Variants in ROR2 observed in about 807,000 individuals in gnomAD.
ROR2 encodes the protein ROR family WNT receptor 2.
A neutral mutation model predicts 74.9 loss-of-function variants in ROR2; 33 were observed. That is an observed-to-expected ratio of 0.44 (90% CI 0.33 to 0.59). The LOEUF is 0.59. ROR2 is among the 20% of genes least tolerant of loss of function. The probability of loss-of-function intolerance (pLI) is 0.02; values close to 1 mark genes in which losing one functional copy is unlikely to be tolerated. For missense variants in ROR2, 1,216 were observed against 1,313.8 expected (o/e 0.93, Z 1.15); for synonymous variants, 586 against 558.7 (o/e 1.05, Z -0.69).
Position 91,807,654 on chromosome 9 carries a change from T to A in ROR2, c.98-31836A>T, listed in dbSNP as rs546938196. On this transcript the variant is annotated intron_variant, in intron 1 of 8. Coordinates refer to ENST00000375708, the MANE Select transcript of ROR2 (RefSeq NM_004560.4). The stretch of plus-strand genomic sequence containing the variant: ...GGGGGGATCAGACGCTACCTCCAGG[T>A]AGACAGTGTCTAAAGTGGACTGGAG... Among the ~76,000 whole-genome samples, 14 of 152,238 alleles carry A rather than the reference T, an allele frequency of 9.2e-5. No individual in the cohort carries two copies. In the South Asian group the frequency reaches 1.5e-3, roughly 16 times the overall value.
chr9:91,782,584 CAAAAAAA>C (rs55664591), intron 1 of ROR2, among the ~76,000 whole-genome samples: 2 of 79,812 alleles, frequency 2.5e-5, no homozygotes, highest in African/African-American at 5.0e-5. Flanking sequence ...TAGCTGATAG[CAAAAAAA>C]AAAAAAAAAA....
chr9:91,862,354 GAGCAGGAGC>G lies in ROR2; in HGVS notation c.98-86545_98-86537del, dbSNP rs1266939350. Reference sequence around the variant, plus strand: ...CCAAAAAAAAAAGGAGGAGGAGGAGGAGCAGGAGCAGCAGGAGCAGCAGCCAGGAGTGGT... The same window carrying G: ...CCAAAAAAAAAAGGAGGAGGAGGAGGAGCAGGAGCAGCAGCCAGGAGTGGT... On this transcript the variant is annotated intron_variant, in intron 1 of 8. Coordinates refer to ENST00000375708, the MANE Select transcript of ROR2 (RefSeq NM_004560.4). Among the ~76,000 whole-genome samples the G allele has an allele frequency of 5.3e-3, 810 of 151,688 alleles. 9 individuals carry two copies. Among genetic ancestry groups the G allele is most frequent in the African/African-American group, 0.018 (764 of 41,352 alleles).
chr9:91,756,578 G>A (rs1450146678), intron 3 of ROR2, among the ~76,000 whole-genome samples: 1 of 151,840 alleles, frequency 6.6e-6, no homozygotes, highest in East Asian at 1.9e-4. Flanking sequence ...TCAGCCTCGG[G>A]CCCTACCTAG....
At chr9:91,799,659 T>G (rs145010024) in intron 1 of ROR2, among the ~76,000 whole-genome samples, 1 of 152,146 alleles carries the variant, frequency 6.6e-6, no homozygotes, top group African/African-American at 2.4e-5. Context: ...AAATACCAAG[T>G]AGGGACAAGG....
intron 1 of ROR2, among the ~76,000 whole-genome samples, chr9:91,845,957 C>A (rs2119232442): frequency 6.7e-6 from 1 of 150,292 alleles, no homozygotes; most frequent in African/African-American, 2.5e-5. Context: ...CGGATGCAAC[C>A]ACCACCACAG....
chr9:91,814,642 G>A (rs896878091), intron 1 of ROR2, among the ~76,000 whole-genome samples: 1 of 152,198 alleles, frequency 6.6e-6, no homozygotes, highest in South Asian at 2.1e-4. Context: ...GATCCCCCAC[G>A]TTTACAGGCT....
At position 91,757,479 on chromosome 9, in the gene ROR2, C is replaced by A. The variant is rs747477231; in HGVS notation, c.256G>T (p.Ala86Ser). 5.0e-6 allele frequency: 8 copies of A among 1,613,702 alleles called. No individual in the cohort carries two copies. The South Asian group carries it at 7.7e-5, about 16-fold the overall frequency. ...GQTAILHCKV[A>S]GNPPPNVRWL... Reference sequence around the variant, plus strand: ...CGCACGTTAGGGGGTGGGTTTCCTGCCACCTTGCAGTGCAGAATTGCCGTC... The same window carrying A: ...CGCACGTTAGGGGGTGGGTTTCCTGACACCTTGCAGTGCAGAATTGCCGTC... Residue 86 changes from alanine to serine, a missense_variant, in exon 3 of 9, where the codon GCA becomes TCA. By Grantham distance (99) the Ala-to-Ser change is moderately conservative. Coordinates refer to ENST00000375708, the MANE Select transcript of ROR2 (RefSeq NM_004560.4).
intron 4 of ROR2, among the ~76,000 whole-genome samples, chr9:91,750,915 G>A (rs748679424): frequency 2.6e-5 from 4 of 152,186 alleles, no homozygotes; most frequent in Non-Finnish European, 5.9e-5. Flanking sequence ...GAAATGTAAT[G>A]TAAAATTACT....
intron 2 of ROR2, among the ~76,000 whole-genome samples, chr9:91,772,642 G>A (rs1587705072): frequency 6.6e-6 from 1 of 152,286 alleles, no homozygotes; most frequent in East Asian, 1.9e-4. Context: ...CACTTGACGG[G>A]CCACCTTTAG....
At chr9:91,903,466 C>A (rs919225582) in intron 1 of ROR2, among the ~76,000 whole-genome samples, 1 of 152,016 alleles carries the variant, frequency 6.6e-6, no homozygotes, top group Non-Finnish European at 1.5e-5. Context: ...GAAGTCGATT[C>A]GTTGTGTCTT....
chr9:91,796,771 A>ATG (rs1827191496), intron 1 of ROR2, among the ~76,000 whole-genome samples: 5 of 97,650 alleles, frequency 5.1e-5, no homozygotes, highest in South Asian at 3.6e-4. Flanking sequence ...TTCTGTGGGC[A>ATG]GGGCTGACAC....
intron 1 of ROR2, among the ~76,000 whole-genome samples, chr9:91,927,830 C>T (rs1455889863): frequency 6.6e-6 from 1 of 152,144 alleles, no homozygotes; most frequent in Non-Finnish European, 1.5e-5. Flanking sequence ...TCCCAAAGTG[C>T]TAGGATTACA....
At chr9:91,921,338 A>C (rs1004615448) in intron 1 of ROR2, among the ~76,000 whole-genome samples, 1 of 152,250 alleles carries the variant, frequency 6.6e-6, no homozygotes, top group Non-Finnish European at 1.5e-5. Context: ...AAAAGTAATT[A>C]TATTTTTTCC....
intron 4 of ROR2, among the ~76,000 whole-genome samples, chr9:91,744,438 T>G (rs1223516412): frequency 7.2e-5 from 11 of 152,034 alleles, no homozygotes; most frequent in Admixed American, 7.2e-4. Context: ...TTGGCCAGGC[T>G]GGTCTCAAAC....
intron 4 of ROR2, among the ~76,000 whole-genome samples, chr9:91,740,557 G>C (rs949090485): frequency 1.4e-5 from 2 of 145,844 alleles, no homozygotes; most frequent in African/African-American, 2.7e-5. Flanking sequence ...GTTTCGGGCG[G>C]GGGGGGGAAT....
At chr9:91,796,699 A>G (rs1394528154) in intron 1 of ROR2, among the ~76,000 whole-genome samples, 1 of 151,794 alleles carries the variant, frequency 6.6e-6, no homozygotes, top group Non-Finnish European at 1.5e-5. Context: ...TGGGGCTGAT[A>G]CACTGGGACT....
chr9:91,819,962 C>T (rs1410610039), intron 1 of ROR2, among the ~76,000 whole-genome samples: 1 of 151,820 alleles, frequency 6.6e-6, no homozygotes, highest in Non-Finnish European at 1.5e-5. Context: ...ATGTGTCTGT[C>T]TTTGACAGTG....
intron 4 of ROR2, among the ~76,000 whole-genome samples, chr9:91,746,671 G>T (rs1825429982): frequency 6.6e-6 from 1 of 152,132 alleles, no homozygotes; most frequent in African/African-American, 2.4e-5. Context: ...AGATAAGTCA[G>T]ACTTGAAAAC....
rs573122580 is a variant in ROR2, at chr9:91,750,873, C to A, written c.494+5198G>T. ...GGCAATGCAATGGCTTTTAGAACGA[C>A]AAAATGATGTTCAACCTCACTATTT... On this transcript the variant is annotated intron_variant, in intron 4 of 8. Transcript: ENST00000375708. Among the ~76,000 whole-genome samples, 4 of 152,238 alleles carry A rather than the reference C, an allele frequency of 2.6e-5. No homozygotes were observed. In the South Asian group the frequency reaches 8.3e-4, roughly 32 times the overall value.
Sources: allele counts gnomAD v4.1 joint callset (sites outside exome capture counted in the v4.1 genomes callset), GRCh38; gene constraint gnomAD v4.1.1; transcripts MANE v1.5; gene names NCBI Gene and HGNC (gene_info 2026-07-23, HGNC 2026-07-21).